ARVCF: variants seen among roughly 807,000 people sequenced by gnomAD.
The protein encoded by ARVCF is splicing regulator ARVCF.
ARVCF carries 66 observed loss-of-function variants against 90.9 expected under a neutral mutation model. The observed-to-expected ratio is 0.73, with a 90% CI of 0.60 to 0.89. The LOEUF (loss-of-function observed/expected upper bound fraction) is 0.89. Among genes scored for constraint, ARVCF ranks in the 40% least tolerant of loss-of-function variants. The pLI is 0.00. For synonymous variants in ARVCF, 653 were observed against 603.4 expected, an observed-to-expected ratio of 1.08 and a Z score of -1.21; for missense variants, 1,469 against 1,382.3, an observed-to-expected ratio of 1.06 and a Z score of -1.00.
At chr22:20,014,500 C>T (rs1044926822) in intron 1 of ARVCF, among the ~76,000 whole-genome samples, 6 of 152,200 alleles carry the variant, frequency 3.9e-5, no homozygotes, top group African/African-American at 1.2e-4. Context: ...CGGCCTCATT[C>T]TGGTCTTAAT....
At chr22:19,994,619 T>G (rs1428514325) in intron 2 of ARVCF, among the ~76,000 whole-genome samples, 1 of 33,158 alleles carries the variant, frequency 3.0e-5, no homozygotes. Flanking sequence ...GATGGATGGG[T>G]GGGTGGGGGG....
At chr22:19,971,795 G>T in intron 18 of ARVCF, 91 bp downstream of exon 18, 2 of 1,417,406 alleles carry the variant, frequency 1.4e-6, no homozygotes, top group Non-Finnish European at 9.9e-7. Flanking sequence ...CCAGGGCCCA[G>T]ACCAGACCCA....
intron 1 of ARVCF, among the ~76,000 whole-genome samples, chr22:20,014,047 T>G (rs1177283581): frequency 1.3e-5 from 2 of 150,276 alleles, no homozygotes; most frequent in African/African-American, 2.5e-5. Flanking sequence ...TAATTTGTTT[T>G]GTATTTTTAG....
rs55725132 is a variant in ARVCF at position 19,979,725 on chromosome 22, T to C, written c.1396+18A>G. 74,006 of 1,579,698 alleles carry C rather than the reference T, an allele frequency of 0.047. 2,033 individuals are homozygous for C. The highest frequency in any genetic ancestry group is 0.094 in the South Asian group (8,199 of 87,548). On this transcript the variant is annotated intron_variant, in intron 6 of 19. Transcript: ENST00000263207. ...CTTCTCTTCCCAGGGGATGTGAGCA[T>C]GGCCAGGTCCCACTCACCAGTGACA... is the stretch of plus-strand genomic sequence containing the variant.
intron 3 of ARVCF, among the ~76,000 whole-genome samples, chr22:19,982,835 T>TCAGAGACCA (rs1943579049): frequency 6.6e-6 from 1 of 152,194 alleles, no homozygotes; most frequent in Non-Finnish European, 1.5e-5. Flanking sequence ...GGGCATCATA[T>TCAGAGACCA]CAGAGACCAG....
Position 19,972,255 on chromosome 22 carries a change from T to C in ARVCF, c.2695+103A>G, listed in dbSNP as rs1054196761. 1.5e-5 allele frequency: 23 copies of C among 1,498,462 alleles called. No individual in the cohort carries two copies. In the African/African-American group the frequency reaches 3.0e-4, roughly 20 times the overall value. The allele number at this position is 1,498,462 out of a possible 1,614,324, so 92.8% of individuals were successfully genotyped here. A position where few individuals can be genotyped will look rare whatever the true frequency, so the allele number is the denominator to read the frequency against. On this transcript the variant is annotated intron_variant, in intron 17 of 19. Transcript: ENST00000263207. Reference sequence around the variant, plus strand: ...TAAGCACCCCTAAACCAAATATCTCTCCTCCACCCAGCACCATCTACACCC... The same window carrying C: ...TAAGCACCCCTAAACCAAATATCTCCCCTCCACCCAGCACCATCTACACCC...
rs762858846 is a variant in ARVCF at position 19,977,443 on chromosome 22, G to C, written c.1842C>G (p.Ala614=). The change falls in exon 9 of 20, where the codon GCC becomes GCG. Residue 614 remains alanine, a synonymous_variant. Coordinates refer to ENST00000263207, the MANE Select transcript of ARVCF (RefSeq NM_001670.3). ...TGGCCTTCTTGCCTCCAAAGCAGCT[G>C]GCATCATCCCGCCTCCGGCGCTGGG... The part of the protein sequence containing the change: ...VGSQRRRRDD[A]SCFGGKKAKE... The C allele has an allele frequency of 6.5e-7, 1 of 1,549,168 alleles. No homozygotes were observed. The highest frequency in any genetic ancestry group is 8.7e-7 in the Non-Finnish European group (1 of 1,146,724).
intron 7 of ARVCF, among the ~76,000 whole-genome samples, 192 bp from the exon 8 acceptor site, chr22:19,978,267 G>C (rs1943276789): frequency 6.6e-6 from 1 of 152,214 alleles, no homozygotes; most frequent in East Asian, 1.9e-4. Context: ...CTCAGGAGGG[G>C]AGCCCTGGCA....
In ARVCF at chr22:19,970,646, C is replaced by T; in HGVS notation, c.*110G>A. 7.8e-7 allele frequency: 1 copy of T among 1,283,932 alleles called. No homozygotes were observed. The highest frequency in any genetic ancestry group is 1.0e-6 in the Non-Finnish European group (1 of 986,334). 79.5% of individuals were successfully genotyped at this position (1,283,932 alleles called of 1,614,324 possible). On this transcript the variant is annotated 3_prime_UTR_variant, in exon 20 of 20. Coordinates refer to ENST00000263207, the MANE Select transcript of ARVCF (RefSeq NM_001670.3). ...TGGCTGGGGCGAGGCGCTGCCAACCCCTGCCGCCAGGGGGCTCCAAGCTCC... is the reference window on the plus strand; with the variant it reads ...TGGCTGGGGCGAGGCGCTGCCAACCTCTGCCGCCAGGGGGCTCCAAGCTCC...
intron 3 of ARVCF, 56 bp from the exon 4 acceptor site, chr22:19,982,147 G>A: frequency 6.3e-7 from 1 of 1,590,312 alleles, no homozygotes. Context: ...CCCCTGGAGT[G>A]CAGGTCTCCA....
rs1303788742 is a variant in ARVCF, at chr22:20,016,716, C to G, written c.-200G>C. 5 of 151,126 alleles carry G rather than the reference C, an allele frequency of 3.3e-5. No homozygotes were observed. The highest frequency in any genetic ancestry group is 7.4e-5 in the Non-Finnish European group (5 of 67,742). The allele number at this position is 151,126 out of a possible 1,614,324, so 9.4% of individuals were successfully genotyped here. The stretch of plus-strand genomic sequence containing the variant: ...GGTGCGGCGCGGCGCGGGTCGCAGT[C>G]CACGCGGCCGCAACTCGGACCGGTG... On this transcript the variant is annotated 5_prime_UTR_variant, in exon 1 of 20. Transcript: ENST00000263207.
chr22:19,980,397 G>C lies in ARVCF; in HGVS notation c.897-155C>G, dbSNP rs1322847286. On this transcript the variant is annotated intron_variant, in intron 5 of 19. Transcript: ENST00000263207. Reference sequence around the variant, plus strand: ...TGGCCCGGAGCATGGTGGGGACACAGAGAGTCATGCACCAGCCCAGTGAGA... The same window carrying C: ...TGGCCCGGAGCATGGTGGGGACACACAGAGTCATGCACCAGCCCAGTGAGA... 6 of 1,180,676 alleles carry C rather than the reference G, an allele frequency of 5.1e-6. No individual in the cohort carries two copies. In the East Asian group the frequency reaches 8.5e-5, roughly 17 times the overall value. 73.1% of individuals were successfully genotyped at this position (1,180,676 alleles called of 1,614,324 possible).
rs1942915316 is a variant in ARVCF at position 19,972,998 on chromosome 22, A to G, written c.2477T>C (p.Leu826Pro). Residue 826 changes from leucine (L) to proline (P), a missense_variant, in exon 15 of 20, where the codon CTG becomes CCG. Leu to Pro is a moderately conservative substitution (Grantham distance 98). Coordinates refer to ENST00000263207, the MANE Select transcript of ARVCF (RefSeq NM_001670.3). ...VREAKAASHV[L>P]QTVWSYKELR... ...CTCCTTGTAGCTCCACACTGTCTGCAGCACGTGTGACGCCGCCTTCGCTTC... is the reference window on the plus strand; with the variant it reads ...CTCCTTGTAGCTCCACACTGTCTGCGGCACGTGTGACGCCGCCTTCGCTTC... 1 of 1,613,524 alleles carries G rather than the reference A, an allele frequency of 6.2e-7. No individual in the cohort carries two copies. Among genetic ancestry groups the G allele is most frequent in the Non-Finnish European group, 8.5e-7 (1 of 1,180,012 alleles).
downstream of ARVCF, chr22:19,967,269 G>C: frequency 8.1e-7 from 1 of 1,240,118 alleles, no homozygotes; most frequent in Non-Finnish European, 1.1e-6. Flanking sequence ...CAGGAGCCCA[G>C]GCCCCTCACT....
At chr22:19,987,001 C>A (rs1943809183) in intron 3 of ARVCF, 1 of 640,116 alleles carries the variant, frequency 1.6e-6, no homozygotes, top group Non-Finnish European at 2.8e-6. Context: ...CGGGTCCTCC[C>A]GGGCAGGCCG....
intron 1 of ARVCF, among the ~76,000 whole-genome samples, chr22:20,014,961 C>T (rs950336902): frequency 7.2e-5 from 11 of 152,118 alleles, no homozygotes; most frequent in Admixed American, 2.0e-4. Flanking sequence ...CAGAGGGCCC[C>T]GGGACTGGGG....
At chr22:19,996,804 C>A (rs191715832) in intron 2 of ARVCF, among the ~76,000 whole-genome samples, 59 of 152,000 alleles carry the variant, frequency 3.9e-4, no homozygotes, top group Non-Finnish European at 6.8e-4. Flanking sequence ...CAGGGCGGTG[C>A]CCACTGTCAG....
intron 2 of ARVCF, among the ~76,000 whole-genome samples, chr22:19,999,211 ACCT>A (rs1713293042): frequency 6.6e-6 from 1 of 151,696 alleles, no homozygotes; most frequent in African/African-American, 2.4e-5. Context: ...CTGACCAGGC[ACCT>A]GGCAGCTCCC....
At chr22:19,983,215 C>G (rs539898827) in intron 3 of ARVCF, among the ~76,000 whole-genome samples, 9 of 152,374 alleles carry the variant, frequency 5.9e-5, no homozygotes, top group Admixed American at 2.6e-4. Context: ...TCCCAGGCAG[C>G]CAGGGCAGGG....
Sources: gnomAD v4.1 joint callset for allele counts (sites outside exome capture counted in the v4.1 genomes callset) on GRCh38, gnomAD v4.1.1 for gene constraint, MANE v1.5 for transcripts, NCBI Gene and HGNC (gene_info 2026-07-23, HGNC 2026-07-21) for gene names.